The following MX1 variants were observed in gnomAD, a reference collection of about 807,000 sequenced individuals.
The protein encoded by MX1 is interferon-induced GTP-binding protein Mx1.
A neutral mutation model predicts 66.4 loss-of-function variants in MX1; 66 were observed. That is an observed-to-expected ratio of 0.99 (90% CI 0.82 to 1.22). MX1 has a LOEUF of 1.22. Among genes scored for constraint, MX1 ranks in the 50% most tolerant of loss-of-function variants. MX1 has a pLI of 0.00. For synonymous variants in MX1, 311 were observed against 318.1 expected, an observed-to-expected ratio of 0.98 and a Z score of 0.24; for missense variants, 787 against 834.3, an observed-to-expected ratio of 0.94 and a Z score of 0.70.
Position 41,432,116 on chromosome 21 carries a change from G to T in MX1, c.46G>T (p.Ala16Ser). ...CATCGCAAAAGCTGATCCAGCTGCTGCATCCCACCCTCTATTACTGAATGG... is the reference window on the plus strand; with the variant it reads ...CATCGCAAAAGCTGATCCAGCTGCTTCATCCCACCCTCTATTACTGAATGG... ...VDIAKADPAAASHPLLLNGDA... is the reference protein window; with the variant it reads ...VDIAKADPAASSHPLLLNGDA... Residue 16 changes from alanine to serine, a missense_variant, in exon 5 of 17, where the codon GCA becomes TCA. Coordinates refer to ENST00000398598, the MANE Select transcript of MX1 (RefSeq NM_002462.5). The T allele has an allele frequency of 6.2e-7, 1 of 1,614,164 alleles. No homozygotes were observed. The highest frequency in any genetic ancestry group is 8.5e-7 in the Non-Finnish European group (1 of 1,180,048).
chr21:41,451,441 C>T (rs746892196), intron 15 of MX1, among the ~76,000 whole-genome samples, 198 bp downstream of exon 15: 3 of 152,112 alleles, frequency 2.0e-5, no homozygotes, highest in Non-Finnish European at 4.4e-5. Flanking sequence ...AGTGCTTAAA[C>T]GCACAGAACA....
intron 16 of MX1, among the ~76,000 whole-genome samples, chr21:41,455,129 T>TGA (rs2090927924): frequency 6.6e-6 from 1 of 152,060 alleles, no homozygotes; most frequent in Non-Finnish European, 1.5e-5. Context: ...AGGCTGGTCT[T>TGA]GAACTCCTGA....
At chr21:41,431,295 G>T (rs546902967) in intron 4 of MX1, among the ~76,000 whole-genome samples, 1 of 152,270 alleles carries the variant, frequency 6.6e-6, no homozygotes, top group South Asian at 2.1e-4. Flanking sequence ...AGTGCTGGGT[G>T]GGATACAGGC....
At chr21:41,438,791 A>G (rs1026555499) in intron 7 of MX1, among the ~76,000 whole-genome samples, 1 of 152,202 alleles carries the variant, frequency 6.6e-6, no homozygotes. Context: ...CTCTCATATA[A>G]GTCTGAAGGC....
At chr21:41,456,734 C>A (rs1279019529) in intron 16 of MX1, among the ~76,000 whole-genome samples, 1 of 151,148 alleles carries the variant, frequency 6.6e-6, no homozygotes, top group Non-Finnish European at 1.5e-5. Context: ...CCGCTTTAGT[C>A]TGCACTAAAG....
chr21:41,450,142 A>G (rs999334999), intron 14 of MX1, among the ~76,000 whole-genome samples: 13 of 152,224 alleles, frequency 8.5e-5, no homozygotes, highest in Non-Finnish European at 1.3e-4. Flanking sequence ...TTCACACTCA[A>G]AATCGGCTGT....
chr21:41,443,109 A>G (rs1419086328), intron 10 of MX1, among the ~76,000 whole-genome samples: 2 of 152,258 alleles, frequency 1.3e-5, no homozygotes, highest in East Asian at 3.8e-4. Context: ...GGTCAATTTT[A>G]TATGTAGTTT....
chr21:41,449,587 A>G, intron 14 of MX1: 1 of 285,144 alleles, frequency 3.5e-6, no homozygotes, highest in Middle Eastern at 1.0e-3. Context: ...TGGACTGTTT[A>G]TAAATCAAGG....
rs1280474264 is a variant in MX1, at chr21:41,441,988, C to T, written c.929+74C>T. On this transcript the variant is annotated intron_variant, in intron 10 of 16. Transcript: ENST00000398598. This position sits in a 1 kb window ranked among gnomAD's most constrained non-coding sequence, Gnocchi z 4.0. ...AGGCCTTCCAGGGGACAGTGGCAGC[C>T]GTCCCACAGATGTGTGGAGTGTGTG... 17 of 1,462,488 alleles carry T rather than the reference C, an allele frequency of 1.2e-5. No individual in the cohort carries two copies. The highest frequency in any genetic ancestry group is 3.5e-4 in the Middle Eastern group (2 of 5,738). 90.6% of individuals were successfully genotyped at this position (1,462,488 alleles called of 1,614,324 possible).
Position 41,449,136 on chromosome 21 carries a change from GGC to G in MX1, c.1274_1275del (p.Gly425AlafsTer2). 6.2e-7 allele frequency: 1 copy of G among 1,607,216 alleles called. No individual in the cohort carries two copies. Among genetic ancestry groups the G allele is most frequent in the Non-Finnish European group, 8.5e-7 (1 of 1,177,380 alleles). On this transcript the variant is annotated frameshift_variant and splice_region_variant, in exon 14 of 17. Coordinates refer to ENST00000398598, the MANE Select transcript of MX1 (RefSeq NM_002462.5). LOFTEE classifies it high-confidence loss of function. ...TTAGAGGGTTTTTTTTCCTGCTATAGGCCATAAAATTTTGAGTAGAAAAATCC... is the reference window on the plus strand; with the variant it reads ...TTAGAGGGTTTTTTTTCCTGCTATAGCATAAAATTTTGAGTAGAAAAATCC... ...STIIENNFQE[G>X]HKILSRKIQK...
chr21:41,448,123 A>C (rs1476221942), intron 13 of MX1, among the ~76,000 whole-genome samples: 1 of 152,252 alleles, frequency 6.6e-6, no homozygotes, highest in Non-Finnish European at 1.5e-5. Flanking sequence ...TGACTAAAAA[A>C]AGTGTTCTAG....
At chr21:41,450,986 G>T in intron 14 of MX1, 181 bp from the exon 15 acceptor site, 1 of 425,664 alleles carries the variant, frequency 2.3e-6, no homozygotes, top group Non-Finnish European at 4.2e-6. Flanking sequence ...TTGCTTTTAA[G>T]ATTCTTCCAG....
At chr21:41,432,494 C>T (rs1430844795) in intron 5 of MX1, among the ~76,000 whole-genome samples, 2 of 152,230 alleles carry the variant, frequency 1.3e-5, no homozygotes, top group Admixed American at 1.3e-4. Context: ...CTGCCCACAT[C>T]ATGATTCAGT....
At chr21:41,449,071 G>T in intron 13 of MX1, 66 bp from the exon 14 acceptor site, 1 of 1,426,242 alleles carries the variant, frequency 7.0e-7, no homozygotes, top group South Asian at 1.3e-5. Context: ...GAATGGTATT[G>T]TGTTTAGAAA....
chr21:41,431,994 A>T, intron 4 of MX1, 56 bp from the exon 5 acceptor site: 4 of 1,471,898 alleles, frequency 2.7e-6, no homozygotes, highest in Non-Finnish European at 3.8e-6. Flanking sequence ...GTTTGGTTCC[A>T]TGGTTGAATG....
Position 41,438,751 on chromosome 21 carries a change from C to T in MX1, c.437-943C>T, listed in dbSNP as rs8132463. On this transcript the variant is annotated intron_variant, in intron 7 of 16. Coordinates refer to ENST00000398598, the MANE Select transcript of MX1 (RefSeq NM_002462.5). Reference sequence around the variant, plus strand: ...TTGTGCCAGCAAGTTGCTGAGACAGCGGTCTAAACAATGTAGAGGCTTTCT... The same window carrying T: ...TTGTGCCAGCAAGTTGCTGAGACAGTGGTCTAAACAATGTAGAGGCTTTCT... Among the ~76,000 whole-genome samples the T allele has an allele frequency of 4.5e-3, 681 of 152,304 alleles. 7 individuals carry two copies. The highest frequency in any genetic ancestry group is 0.016 in the African/African-American group (646 of 41,554).
At chr21:41,453,880 A>T (rs1026267888) in intron 16 of MX1, among the ~76,000 whole-genome samples, 2 of 130,648 alleles carry the variant, frequency 1.5e-5, no homozygotes, top group Non-Finnish European at 1.6e-5. Flanking sequence ...TACAAACTTG[A>T]CATCAATAGA....
At chr21:41,449,388 G>C (rs2090761463) in intron 14 of MX1, 93 bp downstream of exon 14, 5 of 1,342,350 alleles carry the variant, frequency 3.7e-6, no homozygotes, top group Non-Finnish European at 5.1e-6. Flanking sequence ...TTTCCTCCTG[G>C]GGTGCATCCC....
intron 3 of MX1, chr21:41,429,312 A>C (rs559388354): frequency 6.6e-6 from 1 of 152,356 alleles, no homozygotes; most frequent in East Asian, 1.9e-4. Context: ...AAAACCCATA[A>C]GGTTTAGCTT....
Sources: gnomAD v4.1 joint callset for allele counts (sites outside exome capture counted in the v4.1 genomes callset) on GRCh38, gnomAD v4.1.1 for gene constraint, Gnocchi (gnomAD v3.1) non-coding constraint, MANE v1.5 for transcripts, NCBI Gene and HGNC (gene_info 2026-07-23, HGNC 2026-07-21) for gene names.